Variants in PLCL2 observed in about 807,000 individuals in gnomAD.
PLCL2 encodes the protein phospholipase C like 2.
In PLCL2, 4 loss-of-function variants were observed where a neutral mutation model predicts 79.6. The ratio of observed to expected loss-of-function variants is 0.05; its 90% confidence interval spans 0.02 to 0.11. The LOEUF (loss-of-function observed/expected upper bound fraction) is 0.11, where lower values mean the gene tolerates loss of function less well. PLCL2 is among the 10% of genes least tolerant of loss of function. The pLI is 1.00. For synonymous variants in PLCL2, 484 were observed against 457.7 expected, an observed-to-expected ratio of 1.06 and a Z score of -0.73; for missense variants, 895 against 1,291.0, an observed-to-expected ratio of 0.69 and a Z score of 4.70.
intron 2 of PLCL2, among the ~76,000 whole-genome samples, chr3:17,013,826 A>G (rs2064354696): frequency 6.6e-6 from 1 of 152,196 alleles, no homozygotes; most frequent in Non-Finnish European, 1.5e-5. Context: ...GACTCAAAGC[A>G]TGGGCCTTAA....
intron 4 of PLCL2, chr3:17,044,019 T>C (rs1257354207): frequency 6.6e-6 from 1 of 152,266 alleles, no homozygotes; most frequent in African/African-American, 2.4e-5. Context: ...ACAGGAGATA[T>C]GGAAGTAAAC....
intron 1 of PLCL2, among the ~76,000 whole-genome samples, chr3:16,997,492 A>G (rs58855245): frequency 0.18 from 27,611 of 150,694 alleles, 2,882 homozygotes; most frequent in Admixed American, 0.23. Context: ...TTATTTTTCC[A>G]ATCTAATTGT....
chr3:16,892,230 T>C (rs1031274977), intron 1 of PLCL2, among the ~76,000 whole-genome samples: 2 of 152,242 alleles, frequency 1.3e-5, no homozygotes, highest in African/African-American at 4.8e-5. Flanking sequence ...TACATAATTT[T>C]GAAAACAAAG....
At chr3:17,048,015 C>T (rs1221634898) in intron 4 of PLCL2, among the ~76,000 whole-genome samples, 2 of 152,106 alleles carry the variant, frequency 1.3e-5, no homozygotes, top group Non-Finnish European at 2.9e-5. Flanking sequence ...CCCCGACACA[C>T]TCCTGCATGG....
chr3:17,022,973 T>C (rs1476432029), intron 3 of PLCL2, among the ~76,000 whole-genome samples: 3 of 152,212 alleles, frequency 2.0e-5, no homozygotes, highest in Non-Finnish European at 4.4e-5. Context: ...TCTGACTTTC[T>C]CTCTTTCCCC....
intron 1 of PLCL2, among the ~76,000 whole-genome samples, chr3:16,962,397 A>C (rs1485736265): frequency 6.7e-6 from 1 of 149,952 alleles, no homozygotes; most frequent in African/African-American, 2.5e-5. Context: ...TTCTCACTGC[A>C]ATCAGGAGCC....
chr3:16,991,886 C>G (rs895039263), intron 1 of PLCL2, among the ~76,000 whole-genome samples: 2 of 152,040 alleles, frequency 1.3e-5, no homozygotes, highest in Non-Finnish European at 2.9e-5. Flanking sequence ...TCAGTAAACC[C>G]AAGTGAATTT....
chr3:17,005,004 C>T (rs1211822096), intron 1 of PLCL2, among the ~76,000 whole-genome samples: 1 of 125,276 alleles, frequency 8.0e-6, no homozygotes, highest in Non-Finnish European at 1.6e-5. Flanking sequence ...CCCATGCCCA[C>T]ACCCTAGCCC....
Position 17,010,243 on chromosome 3 carries a change from C to T in PLCL2, c.897C>T (p.Leu299=). ...LCNAVQCIRN[L]NPGLKTSKIE... is the part of the protein sequence containing the mutation. ...ATGCTGTGCAATGTATCAGAAACCT[C>T]AATCCTGGTTTAAAAACGAGCAAAA... The change falls in exon 2 of 6, where the codon CTC becomes CTT. Residue 299 remains leucine (L), a synonymous_variant. Transcript: ENST00000615277. The surrounding 1 kb of genome is among the most constrained non-coding windows in gnomAD (Gnocchi z 5.8). The T allele has an allele frequency of 6.2e-7, 1 of 1,613,818 alleles. No homozygotes were observed. Among genetic ancestry groups the T allele is most frequent in the Non-Finnish European group, 8.5e-7 (1 of 1,179,762 alleles).
intron 3 of PLCL2, among the ~76,000 whole-genome samples, chr3:17,016,980 A>G (rs1344355884): frequency 1.3e-5 from 2 of 152,198 alleles, no homozygotes; most frequent in African/African-American, 4.8e-5. Flanking sequence ...ATAACAGGGC[A>G]GGCCAAGTTC....
intron 1 of PLCL2, among the ~76,000 whole-genome samples, chr3:16,969,212 T>C (rs1559502382): frequency 6.6e-6 from 1 of 152,190 alleles, no homozygotes; most frequent in South Asian, 2.1e-4. Context: ...TCTTTTTTTG[T>C]TGTGTCTCTT....
At chr3:16,962,906 A>G (rs1444195154) in intron 1 of PLCL2, among the ~76,000 whole-genome samples, 1 of 152,166 alleles carries the variant, frequency 6.6e-6, no homozygotes, top group Admixed American at 6.6e-5. Flanking sequence ...ATGAATACAT[A>G]AACACACTTG....
intron 1 of PLCL2, among the ~76,000 whole-genome samples, chr3:16,980,610 G>C (rs538439787): frequency 7.2e-4 from 109 of 151,230 alleles, no homozygotes; most frequent in African/African-American, 2.5e-3. Context: ...TCACTTCCTA[G>C]ATGGGATGGC....
At chr3:17,039,311 TG>T (rs2064693346) in intron 3 of PLCL2, among the ~76,000 whole-genome samples, 1 of 152,244 alleles carries the variant, frequency 6.6e-6, no homozygotes, top group Non-Finnish European at 1.5e-5. Flanking sequence ...ATCAGCCTGC[TG>T]AGTAGGGGCC....
At chr3:17,070,012 T>C (rs1360854147) in intron 5 of PLCL2, among the ~76,000 whole-genome samples, 2 of 152,196 alleles carry the variant, frequency 1.3e-5, no homozygotes, top group Non-Finnish European at 2.9e-5. Flanking sequence ...AGAAAATATA[T>C]CACAGCAGAT....
chr3:17,000,903 C>T (rs917883751), intron 1 of PLCL2, among the ~76,000 whole-genome samples: 4 of 152,082 alleles, frequency 2.6e-5, no homozygotes, highest in South Asian at 4.1e-4. Flanking sequence ...GGTATTTCTT[C>T]AATGCACTGA....
chr3:16,956,748 T>G (rs1196382984), intron 1 of PLCL2, among the ~76,000 whole-genome samples: 4 of 152,206 alleles, frequency 2.6e-5, no homozygotes, highest in Non-Finnish European at 1.5e-5. Context: ...TCTTCCTGGT[T>G]TGGTCTTGGG....
At chr3:17,065,109 A>G (rs2064995624) in intron 4 of PLCL2, among the ~76,000 whole-genome samples, 1 of 152,192 alleles carries the variant, frequency 6.6e-6, no homozygotes, top group Non-Finnish European at 1.5e-5. Context: ...GTTTTTAAAA[A>G]GAGCTTCACT....
At chr3:17,064,301 G>A (rs1356282134) in intron 4 of PLCL2, among the ~76,000 whole-genome samples, 1 of 152,126 alleles carries the variant, frequency 6.6e-6, no homozygotes, top group African/African-American at 2.4e-5. Flanking sequence ...CAGTTCAAAT[G>A]TATAATCTCA....
Sources: gnomAD v4.1 joint callset for allele counts (sites outside exome capture counted in the v4.1 genomes callset) on GRCh38, gnomAD v4.1.1 for gene constraint, Gnocchi (gnomAD v3.1) non-coding constraint, MANE v1.5 for transcripts, NCBI Gene and HGNC (gene_info 2026-07-23, HGNC 2026-07-21) for gene names.